The following MAPRE3 variants were observed in gnomAD, a reference collection of about 807,000 sequenced individuals.
MAPRE3 encodes microtubule associated protein RP/EB family member 3, also known as microtubule-associated protein RP/EB family member 3.
In MAPRE3, 2 loss-of-function variants were observed where a neutral mutation model predicts 30.5. That is an observed-to-expected ratio of 0.07 (90% CI 0.03 to 0.21). The LOEUF (loss-of-function observed/expected upper bound fraction) is 0.21, where lower values mean the gene tolerates loss of function less well. MAPRE3 is among the 10% of genes least tolerant of loss of function. MAPRE3 has a pLI of 1.00. For synonymous variants in MAPRE3, 110 were observed against 127.7 expected (o/e 0.86, Z 0.93); for missense variants, 204 against 351.8 (o/e 0.58, Z 3.36).
intron 1 of MAPRE3, chr2:27,011,891 C>T (rs1666867598): frequency 7.0e-6 from 1 of 142,640 alleles, no homozygotes. Context: ...GGCAATGCTG[C>T]AATGTCTTGA....
In MAPRE3 at chr2:27,025,733, A is replaced by G. The variant is rs1319171778; in HGVS notation, c.620A>G (p.Gln207Arg). The G allele has an allele frequency of 6.2e-6, 10 of 1,614,020 alleles. No homozygotes were observed. The highest frequency in any genetic ancestry group is 8.5e-6 in the Non-Finnish European group (10 of 1,180,002). ...GATGCCCAAATTCTTGAACTCAACC[A>G]ACAGGTGAGTGGGATGGGTAAGGGT... ...ETDAQILELN[Q>R]QLVDLKLTVD... The change falls in exon 5 of 7, where the codon CAA becomes CGA. Residue 207 changes from glutamine to arginine, a missense_variant. This residue lies in a region of MAPRE3 where 42 missense variants were observed against 81.2 expected (regional missense o/e 0.52). Transcript: ENST00000233121.
chr2:26,987,705 A>G (rs1572747429), intron 1 of MAPRE3, among the ~76,000 whole-genome samples: 1 of 152,198 alleles, frequency 6.6e-6, no homozygotes, highest in Admixed American at 6.5e-5. Context: ...GAATTTCAAA[A>G]AGAGATCTGA....
chr2:26,992,066 G>A (rs1572750565), intron 1 of MAPRE3, among the ~76,000 whole-genome samples: 1 of 152,150 alleles, frequency 6.6e-6, no homozygotes, highest in African/African-American at 2.4e-5. Flanking sequence ...ATCAGAAACT[G>A]TTACTACTCC....
At chr2:27,010,439 CTTTT>C (rs71401549) in intron 1 of MAPRE3, among the ~76,000 whole-genome samples, 1 of 115,504 alleles carries the variant, frequency 8.7e-6, no homozygotes, top group Non-Finnish European at 1.7e-5. Flanking sequence ...ATCTGTATTT[CTTTT>C]TTTTTTTTTT....
chr2:26,974,863 A>G (rs1371479236), intron 1 of MAPRE3, among the ~76,000 whole-genome samples: 1 of 152,260 alleles, frequency 6.6e-6, no homozygotes, highest in Non-Finnish European at 1.5e-5. Context: ...TATATTGACT[A>G]AAGCATAAAA....
At chr2:27,026,116 G>C in intron 6 of MAPRE3, 84 bp downstream of exon 6, 1 of 1,540,898 alleles carries the variant, frequency 6.5e-7, no homozygotes, top group Non-Finnish European at 8.9e-7. Context: ...AAGGGACCGT[G>C]GAGAACATTT....
At chr2:27,020,746 T>C (rs1256528809) in intron 1 of MAPRE3, among the ~76,000 whole-genome samples, 1 of 152,262 alleles carries the variant, frequency 6.6e-6, no homozygotes, top group Non-Finnish European at 1.5e-5. Context: ...GGAGTGTCTC[T>C]TTTATGACTG....
intron 1 of MAPRE3, among the ~76,000 whole-genome samples, chr2:26,988,964 C>T (rs990216272): frequency 1.3e-5 from 2 of 152,180 alleles, no homozygotes; most frequent in African/African-American, 2.4e-5. Flanking sequence ...TCCCCTTGGA[C>T]GCAGAGAAGA....
intron 1 of MAPRE3, among the ~76,000 whole-genome samples, chr2:27,021,095 A>G (rs1253070162): frequency 6.6e-6 from 1 of 152,240 alleles, no homozygotes; most frequent in Non-Finnish European, 1.5e-5. Context: ...AGTAGGTATT[A>G]TAAGTAATCT....
chr2:26,998,094 G>A (rs1481409515), intron 1 of MAPRE3, among the ~76,000 whole-genome samples: 1 of 152,224 alleles, frequency 6.6e-6, no homozygotes, highest in Non-Finnish European at 1.5e-5. Context: ...TTTGTCTTCA[G>A]TGGGTCAACA....
At position 27,024,817 on chromosome 2, in the gene MAPRE3, G is replaced by T. The variant is rs1019127703; in HGVS notation, c.469+520G>T. 2.6e-5 allele frequency among the ~76,000 whole-genome samples: 4 copies of T among 152,180 alleles called. No homozygotes were observed. The South Asian group carries it at 8.3e-4, about 32-fold the overall frequency. ...TTTGTCTGGGTCCTGGAGGGGAAGG[G>T]AGAAAAGCAATAGGGCCTTTGGGAA... On this transcript the variant is annotated intron_variant, in intron 4 of 6. Coordinates refer to ENST00000233121, the MANE Select transcript of MAPRE3 (RefSeq NM_012326.4).
At chr2:26,998,883 T>C (rs1461618579) in intron 1 of MAPRE3, among the ~76,000 whole-genome samples, 4 of 152,244 alleles carry the variant, frequency 2.6e-5, no homozygotes, top group Admixed American at 2.0e-4. Flanking sequence ...TTTTTTAAGA[T>C]ACAAATGCAG....
intron 4 of MAPRE3, 24 bp downstream of exon 4, chr2:27,024,321 G>A: frequency 6.2e-7 from 1 of 1,606,156 alleles, no homozygotes; most frequent in South Asian, 1.1e-5. Context: ...GCCGGGGGAG[G>A]GAGCGTGGGG....
intron 1 of MAPRE3, among the ~76,000 whole-genome samples, chr2:26,990,928 ACACT>A (rs906275446): frequency 6.6e-6 from 1 of 152,176 alleles, no homozygotes; most frequent in African/African-American, 2.4e-5. Context: ...CATTTCCCTG[ACACT>A]CAGTGGGTGC....
intron 1 of MAPRE3, chr2:26,984,730 A>G (rs1427957717): frequency 6.6e-6 from 1 of 152,266 alleles, no homozygotes; most frequent in Non-Finnish European, 1.5e-5. Context: ...TGTGGTGAAC[A>G]TATTACTCCA....
In MAPRE3 at chr2:27,026,408, C is replaced by A. The variant is rs978157364; in HGVS notation, c.*60C>A. On this transcript the variant is annotated 3_prime_UTR_variant, in exon 7 of 7. Transcript: ENST00000233121. ...CCCGTGCCTCCCTCCCTGCTCCACT[C>A]CCACATTATAGTCCTTTCCTAACAC... 14 of 1,390,496 alleles carry A rather than the reference C, an allele frequency of 1.0e-5. No homozygotes were observed. In the Admixed American group the frequency reaches 1.5e-4, roughly 15 times the overall value. The allele number at this position is 1,390,496 out of a possible 1,614,324, so 86.1% of individuals were successfully genotyped here.
chr2:27,005,729 G>A (rs1177640207), intron 1 of MAPRE3, among the ~76,000 whole-genome samples: 3 of 152,208 alleles, frequency 2.0e-5, no homozygotes, highest in African/African-American at 7.2e-5. Context: ...AGAGTGGCAG[G>A]AGTCAAAGTA....
Position 27,010,439 on chromosome 2 carries a change from C to CTTTTTTTTTT in MAPRE3, c.-7-11763_-7-11754dup, listed in dbSNP as rs71401549. Among the ~76,000 whole-genome samples the CTTTTTTTTTT allele has an allele frequency of 1.0e-4, 12 of 115,478 alleles. 1 individual carries two copies. Among genetic ancestry groups the CTTTTTTTTTT allele is most frequent in the East Asian group, 2.7e-4 (1 of 3,742 alleles). 75.8% of individuals were successfully genotyped at this position (115,478 alleles called of 152,430 possible). A position where few individuals can be genotyped will look rare whatever the true frequency, so the allele number is the denominator to read the frequency against. On this transcript the variant is annotated intron_variant, in intron 1 of 6. Coordinates refer to ENST00000233121, the MANE Select transcript of MAPRE3 (RefSeq NM_012326.4). ...ACAAGCCTACTTTTAATCTGTATTT[C>CTTTTTTTTTT]TTTTTTTTTTTTTTTTTTTGAGATG... is the stretch of plus-strand genomic sequence containing the variant.
chr2:26,992,946 C>T (rs941604464), intron 1 of MAPRE3, among the ~76,000 whole-genome samples: 2 of 152,202 alleles, frequency 1.3e-5, no homozygotes, highest in Non-Finnish European at 2.9e-5. Context: ...GTTGTACTTC[C>T]ATGCCCTTTT....
Sources: allele counts gnomAD v4.1 joint callset (sites outside exome capture counted in the v4.1 genomes callset), GRCh38; gene constraint gnomAD v4.1.1; regional missense constraint gnomAD v4.1.1; transcripts MANE v1.5; gene names NCBI Gene and HGNC (gene_info 2026-07-23, HGNC 2026-07-21).